RGSL1: variants seen among roughly 807,000 people sequenced by gnomAD.
RGSL1 encodes regulator of G protein signaling like 1.
Under a neutral mutation model 124.7 loss-of-function variants are expected in RGSL1, and 97 were observed. That is an observed-to-expected ratio of 0.78 (90% CI 0.66 to 0.92). The LOEUF (loss-of-function observed/expected upper bound fraction) is 0.92. Ranked by LOEUF, RGSL1 falls within the 40% of genes least tolerant of loss-of-function variation. The pLI is 0.00. For missense variants in RGSL1, 1,233 were observed against 1,288.4 expected, an observed-to-expected ratio of 0.96 and a Z score of 0.66; for synonymous variants, 424 against 438.1, an observed-to-expected ratio of 0.97 and a Z score of 0.40.
chr1:182,473,448 A>G, intron 5 of RGSL1, 127 bp from the exon 6 acceptor site: 1 of 1,058,626 alleles, frequency 9.4e-7, no homozygotes, highest in African/African-American at 1.6e-5. Flanking sequence ...ATACTCCAGG[A>G]TTATATGAGG....
intron 4 of RGSL1, among the ~76,000 whole-genome samples, chr1:182,461,325 A>T (rs983760726): frequency 1.8e-4 from 28 of 152,004 alleles, no homozygotes; most frequent in African/African-American, 5.1e-4. Context: ...AATAATAATA[A>T]TAATAATAAC....
intron 9 of RGSL1, among the ~76,000 whole-genome samples, chr1:182,517,492 C>T (rs1331246860): frequency 6.6e-6 from 1 of 152,042 alleles, no homozygotes; most frequent in Admixed American, 6.6e-5. Context: ...TCGACTTCCT[C>T]TCAAACACCA....
Position 182,527,753 on chromosome 1 carries a change from C to G in RGSL1, c.2106C>G (p.Phe702Leu), listed in dbSNP as rs760115239. 3.2e-6 allele frequency: 5 copies of G among 1,550,398 alleles called. No individual in the cohort carries two copies. In the South Asian group the frequency reaches 6.0e-5, roughly 18 times the overall value. ...SLIENVIKTF[F>L]QGQLSPEEML... ...TAGAAAATGTAATCAAGACTTTCTT[C>G]CAAGGCCAACTCTCTCCTGGTATGC... Residue 702 changes from phenylalanine to leucine, a missense_variant, in exon 11 of 22, where the codon TTC (phenylalanine) becomes TTG (leucine). Physicochemically the swap from Phe to Leu is conservative, Grantham distance 22 (BLOSUM62 0). Transcript: ENST00000294854.
chr1:182,534,057 C>A (rs1659375854), intron 14 of RGSL1, among the ~76,000 whole-genome samples: 1 of 152,196 alleles, frequency 6.6e-6, no homozygotes, highest in Non-Finnish European at 1.5e-5. Context: ...GGTGACAAAT[C>A]ATGACTCTCT....
intron 9 of RGSL1, among the ~76,000 whole-genome samples, chr1:182,498,775 A>C (rs1571576949): frequency 7.0e-6 from 1 of 143,022 alleles, no homozygotes; most frequent in South Asian, 2.2e-4. Flanking sequence ...TATGTGACCA[A>C]CTTTTCTTTT....
At chr1:182,506,512 GC>G (rs11355918) in intron 9 of RGSL1, among the ~76,000 whole-genome samples, 127,413 of 152,038 alleles carry the variant, frequency 0.84, 53,679 homozygotes, top group Non-Finnish European at 0.87. Context: ...AACACTTCCT[GC>G]TTTATAGTCT....
intron 9 of RGSL1, among the ~76,000 whole-genome samples, chr1:182,515,151 C>T (rs1228831307): frequency 2.0e-5 from 3 of 152,162 alleles, no homozygotes; most frequent in African/African-American, 7.2e-5. Context: ...GCAGGGAGGG[C>T]CTAGAAAATA....
At chr1:182,484,174 C>T (rs1044515959) in intron 6 of RGSL1, among the ~76,000 whole-genome samples, 5 of 152,070 alleles carry the variant, frequency 3.3e-5, no homozygotes, top group Non-Finnish European at 7.4e-5. Context: ...AAGCAGGGTA[C>T]TATAATTCTT....
At chr1:182,500,481 C>A (rs1656266504) in intron 9 of RGSL1, among the ~76,000 whole-genome samples, 1 of 151,814 alleles carries the variant, frequency 6.6e-6, no homozygotes, top group African/African-American at 2.4e-5. Flanking sequence ...GTCGTTTTTG[C>A]TATTTGGGAT....
intron 2 of RGSL1, 162 bp from the exon 3 acceptor site, chr1:182,458,157 G>A: frequency 1.8e-6 from 1 of 561,298 alleles, no homozygotes; most frequent in Non-Finnish European, 3.2e-6. Flanking sequence ...TTGTTTGCAT[G>A]TGTGCAGGGC....
intron 11 of RGSL1, 85 bp from the exon 12 acceptor site, chr1:182,530,159 A>G (rs934114803): frequency 1.2e-5 from 12 of 974,420 alleles, no homozygotes; most frequent in Non-Finnish European, 1.8e-5. Context: ...AGACTCTAAG[A>G]TAAAAAAAAA....
At chr1:182,530,495 A>G (rs1208585686) in intron 12 of RGSL1, 134 bp downstream of exon 12, 1 of 732,178 alleles carries the variant, frequency 1.4e-6, no homozygotes, top group East Asian at 2.7e-5. Flanking sequence ...AAAAATTCAA[A>G]CTTATCTTGA....
At chr1:182,540,851 C>T (rs1659847780) in intron 15 of RGSL1, among the ~76,000 whole-genome samples, 1 of 152,134 alleles carries the variant, frequency 6.6e-6, no homozygotes, top group South Asian at 2.1e-4. Context: ...ATTCACCTGT[C>T]AATTTTGTTT....
At chr1:182,478,135 T>C (rs1258348980) in intron 6 of RGSL1, among the ~76,000 whole-genome samples, 1 of 152,168 alleles carries the variant, frequency 6.6e-6, no homozygotes, top group Non-Finnish European at 1.5e-5. Context: ...CAGGCTGGAA[T>C]GGAGTGGCAT....
At chr1:182,509,871 C>T (rs1328522926) in intron 9 of RGSL1, among the ~76,000 whole-genome samples, 2 of 141,316 alleles carry the variant, frequency 1.4e-5, no homozygotes, top group African/African-American at 5.4e-5. Context: ...AGACGCTCCT[C>T]ACTTCCCAGA....
chr1:182,559,259 A>G (rs889156804), intron 21 of RGSL1, among the ~76,000 whole-genome samples: 3 of 152,176 alleles, frequency 2.0e-5, no homozygotes, highest in African/African-American at 4.8e-5. Context: ...AACAGGATCC[A>G]CAGCACAAAT....
chr1:182,532,836 G>A, intron 14 of RGSL1, 45 bp downstream of exon 14: 2 of 1,527,338 alleles, frequency 1.3e-6, no homozygotes, highest in Non-Finnish European at 1.8e-6. Flanking sequence ...TGATATTTTA[G>A]CCATGAGGGT....
Position 182,474,061 on chromosome 1 carries a change from T to TATC in RGSL1, c.951_953dup (p.Ser319dup). 1 of 1,551,670 alleles carries TATC rather than the reference T, an allele frequency of 6.4e-7. No homozygotes were observed. On this transcript the variant is annotated inframe_insertion, in exon 6 of 22. Transcript: ENST00000294854. Reference sequence around the variant, plus strand: ...GAAAAGGATATGCATTATGCAAAAATATCCAGCATGGAGAATAAAGCCAAG... The same window carrying TATC: ...GAAAAGGATATGCATTATGCAAAAATATCATCCAGCATGGAGAATAAAGCCAAG...
At chr1:182,488,814 A>G in intron 7 of RGSL1, 166 bp from the exon 8 acceptor site, 1 of 539,006 alleles carries the variant, frequency 1.9e-6, no homozygotes, top group Non-Finnish European at 3.3e-6. Context: ...TTGATTAGAA[A>G]AGGGTGGGGG....
Sources: gnomAD v4.1 joint callset for allele counts (sites outside exome capture counted in the v4.1 genomes callset) on GRCh38, gnomAD v4.1.1 for gene constraint, MANE v1.5 for transcripts, NCBI Gene and HGNC (gene_info 2026-07-23, HGNC 2026-07-21) for gene names.